Variants in KIF13A observed in about 807,000 individuals in gnomAD.
KIF13A encodes kinesin-like protein KIF13A.
KIF13A carries 79 observed loss-of-function variants against 212.2 expected under a neutral mutation model. That is an observed-to-expected ratio of 0.37 (90% CI 0.31 to 0.45). The LOEUF is 0.45. Among genes scored for constraint, KIF13A ranks in the 20% least tolerant of loss-of-function variants. KIF13A has a pLI of 1.00. For missense variants in KIF13A, 1,901 were observed against 2,209.0 expected (o/e 0.86, Z 2.79); for synonymous variants, 789 against 808.6 (o/e 0.98, Z 0.41).
chr6:17,975,892 C>G (rs148541678), intron 2 of KIF13A, among the ~76,000 whole-genome samples: 2 of 151,660 alleles, frequency 1.3e-5, no homozygotes, highest in Non-Finnish European at 2.9e-5. Context: ...TACAGAGTGC[C>G]GATTGGTGTA....
At chr6:17,864,135 A>T (rs573360794) in intron 4 of KIF13A, among the ~76,000 whole-genome samples, 1 of 152,338 alleles carries the variant, frequency 6.6e-6, no homozygotes, top group African/African-American at 2.4e-5. Flanking sequence ...TTTCTATCCC[A>T]GACAATCCGA....
intron 2 of KIF13A, among the ~76,000 whole-genome samples, chr6:17,948,797 C>T (rs968794369): frequency 6.6e-6 from 1 of 151,898 alleles, no homozygotes; most frequent in Non-Finnish European, 1.5e-5. Flanking sequence ...AACTCCTGAC[C>T]TCAAATGATC....
rs188114526 is a variant in KIF13A, at chr6:17,816,807, G to A, written c.2000+213C>T. 3.3e-4 allele frequency among the ~76,000 whole-genome samples: 50 copies of A among 152,316 alleles called. No individual in the cohort carries two copies. Among genetic ancestry groups the A allele is most frequent in the South Asian group, 1.0e-3 (5 of 4,826 alleles). ...ATTTTTATTGAAGGGTAAATGGTTT[G>A]GGGGTAGGAGGGGTCTTTAACAGCT... On this transcript the variant is annotated intron_variant, in intron 17 of 38. Transcript: ENST00000259711. This position sits in a 1 kb window ranked among gnomAD's most constrained non-coding sequence, Gnocchi z 4.3.
Position 17,837,187 on chromosome 6 carries a change from T to C in KIF13A, c.943-97A>G. On this transcript the variant is annotated intron_variant, in intron 10 of 38. Coordinates refer to ENST00000259711, the MANE Select transcript of KIF13A (RefSeq NM_022113.6). This position sits in a 1 kb window ranked among gnomAD's most constrained non-coding sequence, Gnocchi z 5.4. Reference sequence around the variant, plus strand: ...GTGTTAGGTATGACATTATTCTCTATGAAGGAAACATTATGTGGAAATGGA... The same window carrying C: ...GTGTTAGGTATGACATTATTCTCTACGAAGGAAACATTATGTGGAAATGGA... 2.8e-6 allele frequency: 3 copies of C among 1,052,944 alleles called. No homozygotes were observed. Among genetic ancestry groups the C allele is most frequent in the Non-Finnish European group, 4.3e-6 (3 of 702,062 alleles). 65.2% of individuals were successfully genotyped at this position (1,052,944 alleles called of 1,614,324 possible).
Position 17,968,091 on chromosome 6 carries a change from T to C in KIF13A, c.146+18963A>G, listed in dbSNP as rs1363241906. ...ACAAACGTAGGCATATTATTTGACATGTGTGCTGCAGTGGGGAACAAAAAA... is the reference window on the plus strand; with the variant it reads ...ACAAACGTAGGCATATTATTTGACACGTGTGCTGCAGTGGGGAACAAAAAA... On this transcript the variant is annotated intron_variant, in intron 2 of 38. Transcript: ENST00000259711. The surrounding 1 kb of genome is among the most constrained non-coding windows in gnomAD (Gnocchi z 4.7). Among the ~76,000 whole-genome samples the C allele has an allele frequency of 1.3e-5, 2 of 152,124 alleles. No individual in the cohort carries two copies. Among genetic ancestry groups the C allele is most frequent in the Non-Finnish European group, 2.9e-5 (2 of 68,038 alleles).
At chr6:17,935,499 C>T (rs1369600127) in intron 2 of KIF13A, among the ~76,000 whole-genome samples, 1 of 152,188 alleles carries the variant, frequency 6.6e-6, no homozygotes, top group African/African-American at 2.4e-5. Context: ...GGGGCTGGGG[C>T]TGTGCAAACT....
At chr6:17,956,849 A>G (rs1314318675) in intron 2 of KIF13A, among the ~76,000 whole-genome samples, 1 of 152,092 alleles carries the variant, frequency 6.6e-6, no homozygotes, top group African/African-American at 2.4e-5. Flanking sequence ...TTCCCCACTC[A>G]GTCTACTAGT....
At position 17,764,788 on chromosome 6, in the gene KIF13A, C is replaced by G. The variant is rs1389855941; in HGVS notation, c.4740G>C (p.Arg1580=). 6.2e-7 allele frequency: 1 copy of G among 1,613,188 alleles called. No individual in the cohort carries two copies. ...TACGGGACACTTCTTTCTCCAAGAC[C>G]CGTGAGTTTGACAGATCTACTTTAG... ...FSSKVDLSNS[R]VLEKEVSRSP... is the part of the protein sequence containing the mutation. Residue 1580 remains arginine (R), a synonymous_variant, in exon 39 of 39, where the codon CGG becomes CGC. Coordinates refer to ENST00000259711, the MANE Select transcript of KIF13A (RefSeq NM_022113.6). This position sits in a 1 kb window ranked among gnomAD's most constrained non-coding sequence, Gnocchi z 5.1.
intron 17 of KIF13A, chr6:17,812,517 T>C (rs996025933): frequency 6.6e-6 from 1 of 152,210 alleles, no homozygotes; most frequent in African/African-American, 2.4e-5. Context: ...GATCTTGTTG[T>C]TTTTCATGGC....
chr6:17,901,158 C>T (rs1005129409), intron 2 of KIF13A, among the ~76,000 whole-genome samples: 3 of 150,482 alleles, frequency 2.0e-5, no homozygotes, highest in African/African-American at 7.3e-5. Flanking sequence ...GAAAATTATC[C>T]TGCATGAGGT....
chr6:17,802,329 T>G (rs1762533441), intron 20 of KIF13A, among the ~76,000 whole-genome samples: 1 of 151,920 alleles, frequency 6.6e-6, no homozygotes, highest in Non-Finnish European at 1.5e-5. Context: ...TTCGCTCTTG[T>G]TGCCCAGGCT....
At chr6:17,864,100 A>G (rs1769124545) in intron 4 of KIF13A, among the ~76,000 whole-genome samples, 1 of 152,198 alleles carries the variant, frequency 6.6e-6, no homozygotes, top group South Asian at 2.1e-4. Context: ...GTCCCGTGGG[A>G]AGCAGGAGGA....
chr6:17,974,231 G>A (rs903876794), intron 2 of KIF13A, among the ~76,000 whole-genome samples: 4 of 152,102 alleles, frequency 2.6e-5, no homozygotes, highest in African/African-American at 9.7e-5. Flanking sequence ...ACAGGCACAC[G>A]CCAACATGCC....
rs1766193773 is a variant in KIF13A at position 17,838,488 on chromosome 6, A to G, written c.831-905T>C. ...AAACATAATTCCCCAAAGACGAGTCACTGAAAAGTCCCCGAAATATAATAT... is the reference window on the plus strand; with the variant it reads ...AAACATAATTCCCCAAAGACGAGTCGCTGAAAAGTCCCCGAAATATAATAT... On this transcript the variant is annotated intron_variant, in intron 9 of 38. Transcript: ENST00000259711. This position sits in a 1 kb window ranked among gnomAD's most constrained non-coding sequence, Gnocchi z 4.2. 6.6e-6 allele frequency among the ~76,000 whole-genome samples: 1 copy of G among 152,116 alleles called. No homozygotes were observed. The highest frequency in any genetic ancestry group is 1.9e-4 in the East Asian group (1 of 5,190).
chr6:17,794,603 A>G lies in KIF13A; in HGVS notation c.3044T>C (p.Val1015Ala). ...AAVELHQAKD[V>A]NTGGIFQLRQ... ...AAGTTGAAAGATGCCTCCTGTGTTG[A>G]CATCTTTTGCCTGATGAAGTTCCAC... Residue 1015 changes from valine (V) to alanine (A), a missense_variant, in exon 24 of 39, where the codon GTC becomes GCC. Transcript: ENST00000259711. The surrounding 1 kb of genome is among the most constrained non-coding windows in gnomAD (Gnocchi z 4.1). 6.2e-7 allele frequency: 1 copy of G among 1,612,624 alleles called. No individual in the cohort carries two copies. Among genetic ancestry groups the G allele is most frequent in the Non-Finnish European group, 8.5e-7 (1 of 1,179,516 alleles).
chr6:17,798,540 G>A (rs146064163), intron 22 of KIF13A, among the ~76,000 whole-genome samples: 84 of 152,290 alleles, frequency 5.5e-4, no homozygotes, highest in African/African-American at 1.9e-3. Flanking sequence ...ATATGGATTC[G>A]TTTTCTAAGT....
chr6:17,948,036 A>G (rs1210887407), intron 2 of KIF13A, among the ~76,000 whole-genome samples: 2 of 152,240 alleles, frequency 1.3e-5, no homozygotes, highest in African/African-American at 4.8e-5. Context: ...TGTGTTGTCC[A>G]AGGAGAGACT....
rs1372669979 is a variant in KIF13A at position 17,919,033 on chromosome 6, T to C, written c.147-20853A>G. Among the ~76,000 whole-genome samples the C allele has an allele frequency of 6.6e-6, 1 of 152,178 alleles. No homozygotes were observed. The highest frequency in any genetic ancestry group is 2.4e-5 in the African/African-American group (1 of 41,436). ...ACGAAATAGTCACTCAGTAAGTATC[T>C]CTTAAATGAATGGACAGATGCAGTC... On this transcript the variant is annotated intron_variant, in intron 2 of 38. Coordinates refer to ENST00000259711, the MANE Select transcript of KIF13A (RefSeq NM_022113.6). This position sits in a 1 kb window ranked among gnomAD's most constrained non-coding sequence, Gnocchi z 4.1.
At chr6:17,986,996 A>T in intron 2 of KIF13A, 58 bp downstream of exon 2, 2 of 1,312,770 alleles carry the variant, frequency 1.5e-6, no homozygotes, top group Non-Finnish European at 2.2e-6. Flanking sequence ...CCTGGCTCAA[A>T]CTTGCGGGAC....
Sources: allele counts gnomAD v4.1 joint callset (sites outside exome capture counted in the v4.1 genomes callset), GRCh38; gene constraint gnomAD v4.1.1; non-coding constraint Gnocchi (gnomAD v3.1); transcripts MANE v1.5; gene names NCBI Gene and HGNC (gene_info 2026-07-23, HGNC 2026-07-21).